Variants in DPYD observed in about 807,000 individuals in gnomAD.
DPYD encodes the protein dihydropyrimidine dehydrogenase [NADP(+)].
A neutral mutation model predicts 116.2 loss-of-function variants in DPYD; 109 were observed. That is an observed-to-expected ratio of 0.94 (90% CI 0.80 to 1.10). The LOEUF (loss-of-function observed/expected upper bound fraction) is 1.10, where lower values mean the gene tolerates loss of function less well. Ranked by LOEUF, DPYD falls within the 50% of genes least tolerant of loss-of-function variation. The pLI, the probability that DPYD is intolerant of heterozygous loss-of-function variation, is 0.00. For missense variants in DPYD, 1,302 were observed against 1,254.5 expected, an observed-to-expected ratio of 1.04 and a Z score of -0.57; for synonymous variants, 440 against 432.0, an observed-to-expected ratio of 1.02 and a Z score of -0.23.
intron 8 of DPYD, among the ~76,000 whole-genome samples, chr1:97,642,405 T>C (rs931438544): frequency 6.6e-6 from 1 of 151,858 alleles, no homozygotes; most frequent in African/African-American, 2.4e-5. Flanking sequence ...TATAGACCAA[T>C]GGAACAGAAC....
At position 97,078,075 on chromosome 1, in the gene DPYD, A is replaced by G. The variant is rs1339073427; in HGVS notation, c.*901T>C. The G allele has an allele frequency of 6.6e-6, 1 of 152,160 alleles. No individual in the cohort carries two copies. The highest frequency in any genetic ancestry group is 2.4e-5 in the African/African-American group (1 of 41,448). 9.4% of individuals were successfully genotyped at this position (152,160 alleles called of 1,614,324 possible). A position where few individuals can be genotyped will look rare whatever the true frequency, so the allele number is the denominator to read the frequency against. ...GTAGTCAAACTGATTTGGCACACTT[A>G]ATATATATTATCAACATTATATTTT... On this transcript the variant is annotated 3_prime_UTR_variant, in exon 23 of 23. Transcript: ENST00000370192.
intron 8 of DPYD, among the ~76,000 whole-genome samples, chr1:97,662,246 C>T (rs1308102955): frequency 6.6e-6 from 1 of 151,540 alleles, no homozygotes; most frequent in African/African-American, 2.4e-5. Context: ...TCATGATCCA[C>T]CCGCCTCGGC....
chr1:97,203,793 C>CAAAAAAAAAA (rs56819543), intron 19 of DPYD, among the ~76,000 whole-genome samples: 4 of 65,694 alleles, frequency 6.1e-5, no homozygotes, highest in African/African-American at 5.9e-5. Flanking sequence ...ATTCACATTC[C>CAAAAAAAAAA]AAAAAAAAAA....
chr1:97,468,424 A>T, intron 13 of DPYD, among the ~76,000 whole-genome samples: 1 of 152,028 alleles, frequency 6.6e-6, no homozygotes, highest in East Asian at 1.9e-4. Context: ...TATAGAAGAG[A>T]CCCCTAGAGA....
At chr1:97,179,440 C>A (rs1169914829) in intron 20 of DPYD, among the ~76,000 whole-genome samples, 2 of 151,998 alleles carry the variant, frequency 1.3e-5, no homozygotes, top group Non-Finnish European at 2.9e-5. Context: ...AGACTAACAG[C>A]CAGCACAGGA....
intron 4 of DPYD, among the ~76,000 whole-genome samples, chr1:97,724,644 G>A (rs997510705): frequency 1.3e-5 from 2 of 151,392 alleles, no homozygotes; most frequent in Non-Finnish European, 3.0e-5. Context: ...CTGATTAGAT[G>A]AGGCTCACCT....
chr1:97,502,419 T>C (rs1679635897), intron 13 of DPYD, among the ~76,000 whole-genome samples: 1 of 152,044 alleles, frequency 6.6e-6, no homozygotes, highest in Non-Finnish European at 1.5e-5. Flanking sequence ...TGTGGCCTTA[T>C]TGGTACCAGG....
At chr1:97,796,966 C>T (rs1009649753) in intron 3 of DPYD, 7 of 152,120 alleles carry the variant, frequency 4.6e-5, no homozygotes, top group Admixed American at 1.3e-4. Flanking sequence ...TATCTAAATA[C>T]ACATAGCATA....
At chr1:97,313,260 G>T (rs566409632) in intron 16 of DPYD, among the ~76,000 whole-genome samples, 23 of 151,988 alleles carry the variant, frequency 1.5e-4, no homozygotes, top group Non-Finnish European at 2.8e-4. Context: ...TTATTTCTAT[G>T]TACTTGGAGG....
intron 2 of DPYD, among the ~76,000 whole-genome samples, chr1:97,839,574 A>C (rs1253462694): frequency 1.3e-5 from 2 of 151,968 alleles, no homozygotes; most frequent in Non-Finnish European, 2.9e-5. Flanking sequence ...AAATTCCAAA[A>C]ACTTCTCAAT....
At chr1:97,555,268 T>C (rs1651610376) in intron 11 of DPYD, among the ~76,000 whole-genome samples, 1 of 152,116 alleles carries the variant, frequency 6.6e-6, no homozygotes, top group African/African-American at 2.4e-5. Flanking sequence ...TCTTCTCAGC[T>C]CTCAAATATT....
chr1:97,794,169 C>T (rs1667456253), intron 3 of DPYD, among the ~76,000 whole-genome samples: 1 of 152,140 alleles, frequency 6.6e-6, no homozygotes, highest in African/African-American at 2.4e-5. Flanking sequence ...AACTCCTGGG[C>T]TCAAGCAATC....
rs780572158 is a variant in DPYD at position 97,306,196 on chromosome 1, G to T, written c.2160C>A (p.Ile720=). The T allele has an allele frequency of 8.7e-6, 14 of 1,612,504 alleles. No individual in the cohort carries two copies. The highest frequency in any genetic ancestry group is 2.2e-5 in the East Asian group (1 of 44,818). ...TCTTACCTTCCTTTGCAGCTCTTGCGATGCTCACAATATCAGTGACATTTG... is the reference window on the plus strand; with the variant it reads ...TCTTACCTTCCTTTGCAGCTCTTGCTATGCTCACAATATCAGTGACATTTG... ...LTPNVTDIVS[I]ARAAKEGGAN... Residue 720 remains isoleucine (I), a synonymous_variant, in exon 17 of 23, where the codon ATC becomes ATA. Transcript: ENST00000370192.
chr1:97,848,469 G>T (rs1412928102), intron 2 of DPYD, among the ~76,000 whole-genome samples: 1 of 152,156 alleles, frequency 6.6e-6, no homozygotes, highest in Non-Finnish European at 1.5e-5. Flanking sequence ...AGTAAATTCA[G>T]TTCATCTTTT....
intron 18 of DPYD, among the ~76,000 whole-genome samples, chr1:97,300,237 C>CT (rs1461040971): frequency 6.6e-6 from 1 of 152,024 alleles, no homozygotes; most frequent in Non-Finnish European, 1.5e-5. Flanking sequence ...GAAGGCTCTC[C>CT]TTTTAATTAT....
intron 10 of DPYD, among the ~76,000 whole-genome samples, chr1:97,581,800 C>T (rs1274232479): frequency 2.0e-5 from 3 of 147,274 alleles, no homozygotes; most frequent in Non-Finnish European, 3.0e-5. Flanking sequence ...GCTATATAAG[C>T]TAATCTTGAA....
chr1:97,685,504 A>T (rs1291540454), intron 7 of DPYD, among the ~76,000 whole-genome samples: 1 of 151,136 alleles, frequency 6.6e-6, no homozygotes, highest in Non-Finnish European at 1.5e-5. Context: ...GCAATCAGGC[A>T]AAAGACAGAA....
intron 1 of DPYD, among the ~76,000 whole-genome samples, chr1:97,914,075 A>C (rs1378836793): frequency 6.6e-6 from 1 of 152,116 alleles, no homozygotes; most frequent in East Asian, 1.9e-4. Flanking sequence ...AGGGACACAG[A>C]TTGTCTCTTT....
chr1:97,389,240 T>C (rs1672532588), intron 14 of DPYD, among the ~76,000 whole-genome samples: 1 of 151,554 alleles, frequency 6.6e-6, no homozygotes, highest in South Asian at 2.1e-4. Context: ...CCCAGGAGTT[T>C]TGAGGCTTCA....
Sources: gnomAD v4.1 joint callset for allele counts (sites outside exome capture counted in the v4.1 genomes callset) on GRCh38, gnomAD v4.1.1 for gene constraint, MANE v1.5 for transcripts, NCBI Gene and HGNC (gene_info 2026-07-23, HGNC 2026-07-21) for gene names.